Variants in KIF18A observed in about 807,000 individuals in gnomAD.
The protein encoded by KIF18A is kinesin family member 18A, also known as kinesin-like protein KIF18A.
In KIF18A, 67 loss-of-function variants were observed where a neutral mutation model predicts 103.3. The ratio of observed to expected loss-of-function variants is 0.65; its 90% CI spans 0.53 to 0.79. KIF18A has a LOEUF of 0.79. Among genes scored for constraint, KIF18A ranks in the 30% least tolerant of loss-of-function variants. The probability of loss-of-function intolerance (pLI) is 0.00; values close to 1 mark genes in which losing one functional copy is unlikely to be tolerated. For synonymous variants in KIF18A, 367 were observed against 355.5 expected (o/e 1.03, Z -0.36); for missense variants, 1,032 against 1,062.5 (o/e 0.97, Z 0.40).
Position 28,035,425 on chromosome 11 carries a change from T to C in KIF18A, c.2466A>G (p.Ala822=), listed in dbSNP as rs1850472502. The change falls in exon 15 of 17, where the codon GCA becomes GCG. Residue 822 remains alanine (A), a synonymous_variant. Coordinates refer to ENST00000263181, the MANE Select transcript of KIF18A (RefSeq NM_031217.4). ...GTTTCCTTTTGGCAGCAGTAGTCAT[T>C]GCCATGTAGGATGGCACCATGCTTG... ...PVPSMVPSYM[A]MTTAAKRKRK... 1 of 1,603,184 alleles carries C rather than the reference T, an allele frequency of 6.2e-7. No individual in the cohort carries two copies. Among genetic ancestry groups the C allele is most frequent in the African/African-American group, 1.3e-5 (1 of 74,588 alleles).
At chr11:28,046,854 C>A (rs1478989352) in intron 13 of KIF18A, among the ~76,000 whole-genome samples, 17 of 150,080 alleles carry the variant, frequency 1.1e-4, no homozygotes, top group Admixed American at 1.3e-4. Flanking sequence ...GAGTTTAAGA[C>A]CAGCCTGGTA....
chr11:28,050,018 CCCTAATACATAGGGAACTATTGT>C (rs925049486), intron 13 of KIF18A, among the ~76,000 whole-genome samples: 28 of 151,754 alleles, frequency 1.8e-4, no homozygotes, highest in Non-Finnish European at 3.7e-4. Context: ...TATAATAGTT[CCCTAATACATAGGGAACTATTGT>C]CCTAATACAT....
chr11:28,061,751 T>C lies in KIF18A; in HGVS notation c.1712+644A>G, dbSNP rs113718865. On this transcript the variant is annotated intron_variant, in intron 12 of 16. Coordinates refer to ENST00000263181, the MANE Select transcript of KIF18A (RefSeq NM_031217.4). ...GTAGAACATGAATAGATTCTTAGAG[T>C]AGCAGAAAGCACTTAGAGAAATAAA... is the stretch of plus-strand genomic sequence containing the variant. 6.6e-5 allele frequency among the ~76,000 whole-genome samples: 10 copies of C among 152,170 alleles called. 1 individual carries two copies. The highest frequency in any genetic ancestry group is 2.4e-4 in the African/African-American group (10 of 41,528).
rs1377005751 is a variant in KIF18A at position 28,097,755 on chromosome 11, T to A, written c.193A>T (p.Ile65Leu). Residue 65 changes from isoleucine to leucine, a missense_variant, in exon 2 of 17, where the codon ATA becomes TTA. Physicochemically the swap from Ile to Leu is conservative, Grantham distance 5. Coordinates refer to ENST00000263181, the MANE Select transcript of KIF18A (RefSeq NM_031217.4). ...TTAAGATCCTTATTTTGTTTCTTTA[T>A]AACATTTTGATTTGTAGTTTTCTTT... Reference protein sequence around the residue: ...HGKKTTNQNVIKKQNKDLKFV... With the variant: ...HGKKTTNQNVLKKQNKDLKFV... The A allele has an allele frequency of 2.5e-6, 4 of 1,611,706 alleles. No individual in the cohort carries two copies. The Admixed American group carries it at 5.0e-5, about 20-fold the overall frequency.
intron 1 of KIF18A, 23 bp downstream of exon 1, chr11:28,108,041 A>G (rs982216301): frequency 1.3e-5 from 2 of 152,252 alleles, no homozygotes; most frequent in Admixed American, 6.6e-5. Context: ...CACCAAAAGG[A>G]GCGTCCCAGA....
At chr11:28,074,988 T>G (rs1430619312) in intron 10 of KIF18A, among the ~76,000 whole-genome samples, 1 of 152,194 alleles carries the variant, frequency 6.6e-6, no homozygotes, top group Non-Finnish European at 1.5e-5. Context: ...CTCCGTAGTT[T>G]CACACGTTTA....
intron 11 of KIF18A, among the ~76,000 whole-genome samples, chr11:28,063,381 C>T (rs945616030): frequency 6.6e-6 from 1 of 151,928 alleles, no homozygotes; most frequent in Non-Finnish European, 1.5e-5. Context: ...TATATACATC[C>T]TCTCATAATC....
intron 13 of KIF18A, among the ~76,000 whole-genome samples, chr11:28,056,357 A>C (rs112243636): frequency 2.6e-5 from 4 of 152,122 alleles, no homozygotes; most frequent in African/African-American, 7.2e-5. Context: ...TTTAAGGATC[A>C]TTTGATAAAG....
intron 1 of KIF18A, among the ~76,000 whole-genome samples, chr11:28,098,830 A>G (rs1453542123): frequency 6.6e-6 from 1 of 152,068 alleles, no homozygotes; most frequent in Non-Finnish European, 1.5e-5. Context: ...TAGAATCTGC[A>G]GACCCAAAAA....
At chr11:28,088,380 T>A in intron 6 of KIF18A, 144 bp downstream of exon 6, 1 of 621,986 alleles carries the variant, frequency 1.6e-6, no homozygotes, top group Non-Finnish European at 2.7e-6. Flanking sequence ...TTTTCTGAGG[T>A]CTTTGATCTA....
At chr11:28,041,390 G>C (rs903731892) in intron 13 of KIF18A, among the ~76,000 whole-genome samples, 1 of 151,580 alleles carries the variant, frequency 6.6e-6, no homozygotes, top group African/African-American at 2.4e-5. Flanking sequence ...GGGGGAAAAG[G>C]CAGAAAAAAT....
chr11:28,050,571 T>C (rs1393094437), intron 13 of KIF18A, among the ~76,000 whole-genome samples: 3 of 151,886 alleles, frequency 2.0e-5, no homozygotes, highest in Admixed American at 1.3e-4. Flanking sequence ...TAGTATCTTT[T>C]ATTGTACTTT....
intron 11 of KIF18A, 148 bp from the exon 12 acceptor site, chr11:28,062,664 C>T (rs1461158901): frequency 1.7e-6 from 1 of 596,334 alleles, no homozygotes; most frequent in African/African-American, 1.9e-5. Context: ...AATAAGAGTT[C>T]TGGAAAAGGT....
chr11:28,044,306 C>T (rs1159339665), intron 13 of KIF18A, among the ~76,000 whole-genome samples: 1 of 151,814 alleles, frequency 6.6e-6, no homozygotes, highest in Non-Finnish European at 1.5e-5. Context: ...CATATACCCC[C>T]TAAATGGAAA....
chr11:28,056,161 GTT>G (rs11389722), intron 13 of KIF18A, among the ~76,000 whole-genome samples: 1 of 141,570 alleles, frequency 7.1e-6, no homozygotes. Context: ...AACCATCCAT[GTT>G]TTTTTTTTTT....
intron 15 of KIF18A, among the ~76,000 whole-genome samples, chr11:28,026,746 T>C (rs964557391): frequency 6.6e-6 from 1 of 151,792 alleles, no homozygotes; most frequent in East Asian, 1.9e-4. Context: ...AAACACAACA[T>C]ACTACCAGTG....
At chr11:28,043,410 T>C (rs1191355409) in intron 13 of KIF18A, among the ~76,000 whole-genome samples, 1 of 151,864 alleles carries the variant, frequency 6.6e-6, no homozygotes, top group East Asian at 1.9e-4. Flanking sequence ...GAAAACTCAC[T>C]GGACCTATAA....
In KIF18A at chr11:28,021,253, G is replaced by T; in HGVS notation, c.2644C>A (p.Pro882Thr). Residue 882 changes from proline to threonine, a missense_variant, in exon 17 of 17, where the codon CCA becomes ACA. Physicochemically the swap from Pro to Thr is conservative, Grantham distance 38. Coordinates refer to ENST00000263181, the MANE Select transcript of KIF18A (RefSeq NM_031217.4). ...CTTCCAAATTTTCTAACCATGCTTG[G>T]ATTTATTTTACAGATGTTTCTTTTA... ...EHKRNICKIN[P>T]SMVRKFGRNI... 2.0e-6 allele frequency: 3 copies of T among 1,486,420 alleles called. No individual in the cohort carries two copies. Among genetic ancestry groups the T allele is most frequent in the Non-Finnish European group, 2.7e-6 (3 of 1,109,406 alleles). The allele number at this position is 1,486,420 out of a possible 1,614,324, so 92.1% of individuals were successfully genotyped here. A position where few individuals can be genotyped will look rare whatever the true frequency, so the allele number is the denominator to read the frequency against.
intron 13 of KIF18A, among the ~76,000 whole-genome samples, chr11:28,055,337 G>A (rs1284415389): frequency 6.6e-6 from 1 of 152,146 alleles, no homozygotes; most frequent in African/African-American, 2.4e-5. Flanking sequence ...CTGTTTGAAG[G>A]CACTGGATTA....
Sources: gnomAD v4.1 joint callset for allele counts (sites outside exome capture counted in the v4.1 genomes callset) on GRCh38, gnomAD v4.1.1 for gene constraint, MANE v1.5 for transcripts, NCBI Gene and HGNC (gene_info 2026-07-23, HGNC 2026-07-21) for gene names.